TNNI3K: variants seen among roughly 807,000 people sequenced by gnomAD.
The protein encoded by TNNI3K is TNNI3 interacting kinase.
Under a neutral mutation model 114.5 loss-of-function variants are expected in TNNI3K, and 140 were observed. The observed-to-expected ratio is 1.22, with a 90% CI of 1.07 to 1.41. The LOEUF is 1.41. Ranked by LOEUF, TNNI3K falls within the 40% of genes most tolerant of loss-of-function variation. The pLI is 0.00. For synonymous variants in TNNI3K, 347 were observed against 347.5 expected, an observed-to-expected ratio of 1.00 and a Z score of 0.02; for missense variants, 1,125 against 1,007.6, an observed-to-expected ratio of 1.12 and a Z score of -1.58.
intron 21 of TNNI3K, among the ~76,000 whole-genome samples, chr1:74,482,511 C>CT (rs1668557753): frequency 6.6e-6 from 1 of 152,182 alleles, no homozygotes; most frequent in African/African-American, 2.4e-5. Flanking sequence ...GAAAACCTCT[C>CT]TGTCCTGTCA....
chr1:74,523,490 G>A (rs1399229711), intron 23 of TNNI3K, among the ~76,000 whole-genome samples: 1 of 146,174 alleles, frequency 6.8e-6, no homozygotes, highest in Admixed American at 7.1e-5. Flanking sequence ...ACAAGAAAGA[G>A]AGAAAGAGAA....
At position 74,315,268 on chromosome 1, in the gene TNNI3K, T is replaced by C. The variant is rs550300393; in HGVS notation, c.445-16182T>C. On this transcript the variant is annotated intron_variant, in intron 5 of 24. Coordinates refer to ENST00000326637, the MANE Select transcript of TNNI3K (RefSeq NM_015978.3). ...GAAACAGTGAAGATTCCATTATTAG[T>C]CTAGTTTAAATACTATTTCCAAGAC... Among the ~76,000 whole-genome samples the C allele has an allele frequency of 6.6e-4, 101 of 152,286 alleles. 1 individual carries two copies. Among genetic ancestry groups the C allele is most frequent in the African/African-American group, 2.4e-3 (98 of 41,582 alleles).
intron 20 of TNNI3K, among the ~76,000 whole-genome samples, chr1:74,457,265 T>C (rs1667265997): frequency 6.6e-6 from 1 of 152,194 alleles, no homozygotes; most frequent in African/African-American, 2.4e-5. Context: ...ATAGCTGATA[T>C]TAACATTCCA....
intron 23 of TNNI3K, among the ~76,000 whole-genome samples, chr1:74,495,823 TTC>T (rs1232229847): frequency 8.5e-5 from 13 of 152,296 alleles, no homozygotes; most frequent in African/African-American, 3.1e-4. Context: ...GACTTCCAGT[TTC>T]TCCTGGAAGT....
chr1:74,247,349 G>C (rs1172936836), intron 2 of TNNI3K, among the ~76,000 whole-genome samples: 1 of 152,196 alleles, frequency 6.6e-6, no homozygotes, highest in Non-Finnish European at 1.5e-5. Context: ...CTGGCTTCAG[G>C]AGTGAAGCTG....
At chr1:74,298,024 C>G (rs796643415) in intron 5 of TNNI3K, among the ~76,000 whole-genome samples, 33 of 152,244 alleles carry the variant, frequency 2.2e-4, no homozygotes, top group African/African-American at 7.0e-4. Flanking sequence ...TTCAGTTTCC[C>G]TCCCAAAATC....
chr1:74,282,678 A>G (rs899673274), intron 5 of TNNI3K, among the ~76,000 whole-genome samples: 1 of 152,152 alleles, frequency 6.6e-6, no homozygotes, highest in Non-Finnish European at 1.5e-5. Flanking sequence ...TTTGAAATAA[A>G]TGTCATGTTG....
chr1:74,482,777 A>G (rs934318714), intron 21 of TNNI3K, among the ~76,000 whole-genome samples: 1 of 152,230 alleles, frequency 6.6e-6, no homozygotes, highest in Non-Finnish European at 1.5e-5. Context: ...GTATCTTGTT[A>G]GCATTTCTAC....
At chr1:74,514,674 A>T (rs918456590) in intron 23 of TNNI3K, among the ~76,000 whole-genome samples, 2 of 152,134 alleles carry the variant, frequency 1.3e-5, no homozygotes, top group Admixed American at 1.3e-4. Context: ...AGTCTATCTA[A>T]TCCCAAAGCC....
intron 4 of TNNI3K, among the ~76,000 whole-genome samples, chr1:74,252,063 T>C (rs1043732742): frequency 6.6e-6 from 1 of 152,188 alleles, no homozygotes; most frequent in Non-Finnish European, 1.5e-5. Flanking sequence ...TAGTGAATGA[T>C]AGTCATGGCA....
intron 5 of TNNI3K, among the ~76,000 whole-genome samples, chr1:74,282,485 A>G (rs1258595602): frequency 6.6e-6 from 1 of 150,960 alleles, no homozygotes; most frequent in Non-Finnish European, 1.5e-5. Context: ...GTTCTAATCT[A>G]CTCTTTTTAT....
chr1:74,539,544 A>G (rs764512018), intron 23 of TNNI3K, among the ~76,000 whole-genome samples: 10 of 152,106 alleles, frequency 6.6e-5, no homozygotes, highest in Non-Finnish European at 1.0e-4. Context: ...AAAGAGAAGG[A>G]GGAGTTTGAG....
chr1:74,241,342 G>C (rs993675751), intron 2 of TNNI3K, among the ~76,000 whole-genome samples: 5 of 152,200 alleles, frequency 3.3e-5, no homozygotes, highest in Non-Finnish European at 7.3e-5. Context: ...CTAGATCCCT[G>C]AGGAATCATC....
At chr1:74,388,029 C>T (rs1663573465) in intron 17 of TNNI3K, among the ~76,000 whole-genome samples, 1 of 152,152 alleles carries the variant, frequency 6.6e-6, no homozygotes, top group African/African-American at 2.4e-5. Context: ...CCTATAATCC[C>T]AGCACTTTGG....
intron 9 of TNNI3K, among the ~76,000 whole-genome samples, chr1:74,348,115 G>A (rs1229947300): frequency 6.6e-6 from 1 of 152,126 alleles, no homozygotes; most frequent in South Asian, 2.1e-4. Flanking sequence ...TTCTTCTAGG[G>A]TTTTTATGGT....
chr1:74,518,870 TCC>T (rs147780464), intron 23 of TNNI3K, among the ~76,000 whole-genome samples: 14 of 72,102 alleles, frequency 1.9e-4, no homozygotes, highest in Admixed American at 3.3e-4. Flanking sequence ...TTATTTTTTT[TCC>T]CCTTTTTTTT....
intron 17 of TNNI3K, among the ~76,000 whole-genome samples, chr1:74,386,140 C>T (rs1348823209): frequency 6.6e-6 from 1 of 152,190 alleles, no homozygotes; most frequent in African/African-American, 2.4e-5. Context: ...ATTTGCCTTC[C>T]ACCATGATTG....
chr1:74,421,827 G>A (rs41356549), intron 17 of TNNI3K, among the ~76,000 whole-genome samples: 5,068 of 151,976 alleles, frequency 0.033, 268 homozygotes, highest in African/African-American at 0.12. Context: ...AACATGGAAT[G>A]GCCTCCTGGT....
intron 11 of TNNI3K, among the ~76,000 whole-genome samples, chr1:74,366,378 T>C (rs983674702): frequency 2.0e-5 from 3 of 152,046 alleles, no homozygotes; most frequent in Non-Finnish European, 4.4e-5. Flanking sequence ...CAGAGGATCA[T>C]TTGGCATTTT....
Sources: allele counts gnomAD v4.1 joint callset (sites outside exome capture counted in the v4.1 genomes callset), GRCh38; gene constraint gnomAD v4.1.1; transcripts MANE v1.5; gene names NCBI Gene and HGNC (gene_info 2026-07-23, HGNC 2026-07-21).